Variants in PPFIA2 observed in about 807,000 individuals in gnomAD.
The protein encoded by PPFIA2 is PPFI scaffold protein A2.
PPFIA2 carries 46 observed loss-of-function variants against 175.5 expected under a neutral mutation model. That is an observed-to-expected ratio of 0.26 (90% CI 0.21 to 0.34). The LOEUF is 0.34. PPFIA2 is among the 10% of genes least tolerant of loss of function. The probability of loss-of-function intolerance (pLI) is 1.00; values close to 1 mark genes in which losing one functional copy is unlikely to be tolerated. For missense variants in PPFIA2, 1,179 were observed against 1,506.1 expected, an observed-to-expected ratio of 0.78 and a Z score of 3.60; for synonymous variants, 568 against 511.4, an observed-to-expected ratio of 1.11 and a Z score of -1.49.
At chr12:81,383,923 G>T in intron 9 of PPFIA2, 100 bp downstream of exon 9, 1 of 927,298 alleles carries the variant, frequency 1.1e-6, no homozygotes, top group Non-Finnish European at 1.6e-6. Context: ...ATGGTCTTTT[G>T]AGAAGTAAAA....
chr12:81,494,261 A>G (rs1593952125), intron 4 of PPFIA2, among the ~76,000 whole-genome samples: 2 of 151,978 alleles, frequency 1.3e-5, no homozygotes, highest in Non-Finnish European at 2.9e-5. Flanking sequence ...AAAACAAACA[A>G]CCCCATCAAA....
chr12:81,665,903 C>T (rs1482782296), intron 4 of PPFIA2, among the ~76,000 whole-genome samples: 2 of 151,998 alleles, frequency 1.3e-5, no homozygotes, highest in East Asian at 3.9e-4. Context: ...ACAAAGAACT[C>T]AAACAAATTT....
intron 4 of PPFIA2, among the ~76,000 whole-genome samples, chr12:81,620,167 A>AC: frequency 6.6e-6 from 1 of 150,712 alleles, no homozygotes; most frequent in East Asian, 1.9e-4. Context: ...CTCAAAAAAA[A>AC]AAAAAAAAAA....
intron 4 of PPFIA2, among the ~76,000 whole-genome samples, chr12:81,467,250 C>T (rs2055837984): frequency 6.6e-6 from 1 of 152,078 alleles, no homozygotes; most frequent in South Asian, 2.1e-4. Flanking sequence ...TTCCTGTGTT[C>T]CTGCAGTAAT....
intron 4 of PPFIA2, among the ~76,000 whole-genome samples, chr12:81,571,892 T>G (rs2072614609): frequency 6.6e-6 from 1 of 152,098 alleles, no homozygotes; most frequent in Admixed American, 6.6e-5. Context: ...TCCAGTGTAT[T>G]CCATCTACTT....
chr12:81,385,872 AAGTG>A (rs1303616960), intron 8 of PPFIA2, among the ~76,000 whole-genome samples: 4 of 152,204 alleles, frequency 2.6e-5, no homozygotes, highest in African/African-American at 4.8e-5. Context: ...CAAAAATGAT[AAGTG>A]AGTGAGTGAT....
intron 4 of PPFIA2, among the ~76,000 whole-genome samples, chr12:81,569,640 T>TA (rs958235564): frequency 6.6e-6 from 1 of 152,100 alleles, no homozygotes; most frequent in Non-Finnish European, 1.5e-5. Context: ...CACCAAATAA[T>TA]AAACAAAATT....
rs764497700 is a variant in PPFIA2, at chr12:81,384,106, C to T, written c.901G>A (p.Val301Met). 1 of 1,613,328 alleles carries T rather than the reference C, an allele frequency of 6.2e-7. No individual in the cohort carries two copies. The highest frequency in any genetic ancestry group is 1.7e-4 in the Middle Eastern group (1 of 6,058). Residue 301 changes from valine (V) to methionine (M), a missense_variant, in exon 9 of 33, where the codon GTG becomes ATG. Val to Met is a conservative substitution (Grantham distance 21). This residue lies in a region of PPFIA2 where 226 missense variants were observed against 216.6 expected (regional missense o/e 1.04). Transcript: ENST00000549396. Reference sequence around the variant, plus strand: ...CTTGCTGTCTCTGCTTCCTGTTCCACCTCTCCCACTCGGGAAGAAAGGGCT... The same window carrying T: ...CTTGCTGTCTCTGCTTCCTGTTCCATCTCTCCCACTCGGGAAGAAAGGGCT... ...LAALSSRVGEVEQEAETARKD... is the reference protein window; with the variant it reads ...LAALSSRVGEMEQEAETARKD...
chr12:81,468,375 G>A (rs527795206), intron 4 of PPFIA2, among the ~76,000 whole-genome samples: 1 of 152,300 alleles, frequency 6.6e-6, no homozygotes, highest in Admixed American at 6.5e-5. Context: ...GGCCCAGTAA[G>A]CATTGTAGTT....
Position 81,303,565 on chromosome 12 carries a change from A to T in PPFIA2, c.2643-4183T>A, listed in dbSNP as rs188714145. On this transcript the variant is annotated intron_variant, in intron 22 of 32. Coordinates refer to ENST00000549396, the MANE Select transcript of PPFIA2 (RefSeq NM_003625.5). ...ACACTCTTCAATAAAGAATGCTGTTAGTATCTTCCATAGGCCTCAGGTTCT... is the reference window on the plus strand; with the variant it reads ...ACACTCTTCAATAAAGAATGCTGTTTGTATCTTCCATAGGCCTCAGGTTCT... Among the ~76,000 whole-genome samples the T allele has an allele frequency of 1.8e-3, 268 of 152,338 alleles. 1 individual carries two copies. Among genetic ancestry groups the T allele is most frequent in the African/African-American group, 6.1e-3 (255 of 41,578 alleles).
intron 3 of PPFIA2, among the ~76,000 whole-genome samples, chr12:81,740,079 A>G (rs555651568): frequency 6.6e-6 from 1 of 152,256 alleles, no homozygotes; most frequent in East Asian, 1.9e-4. Context: ...ACTTTTTGAA[A>G]AGCAAAAATG....
At chr12:81,618,828 G>A (rs1038331541) in intron 4 of PPFIA2, among the ~76,000 whole-genome samples, 1 of 149,012 alleles carries the variant, frequency 6.7e-6, no homozygotes, top group Non-Finnish European at 1.5e-5. Flanking sequence ...CACCGCGCCC[G>A]GCCCATGGCA....
chr12:81,269,004 C>G (rs2136335879), intron 28 of PPFIA2, among the ~76,000 whole-genome samples: 1 of 152,202 alleles, frequency 6.6e-6, no homozygotes, highest in Non-Finnish European at 1.5e-5. Context: ...AGTCAAATGT[C>G]AAAAATTGTT....
intron 4 of PPFIA2, among the ~76,000 whole-genome samples, chr12:81,623,585 G>T (rs10161159): frequency 1.3e-5 from 2 of 151,554 alleles, no homozygotes; most frequent in African/African-American, 2.4e-5. Context: ...GACTGTCACC[G>T]CTTCCTTTTT....
In PPFIA2 at chr12:81,396,316, C is replaced by T. The variant is rs141785283; in HGVS notation, c.762+9471G>A. On this transcript the variant is annotated intron_variant, in intron 8 of 32. Coordinates refer to ENST00000549396, the MANE Select transcript of PPFIA2 (RefSeq NM_003625.5). ...TATCTAACTGGGCTGGCAGACAATACATTACAGACATTATAAATAAGTAAA... is the reference window on the plus strand; with the variant it reads ...TATCTAACTGGGCTGGCAGACAATATATTACAGACATTATAAATAAGTAAA... Among the ~76,000 whole-genome samples, 370 of 152,110 alleles carry T rather than the reference C, an allele frequency of 2.4e-3. 1 individual carries two copies. Among genetic ancestry groups the T allele is most frequent in the Middle Eastern group, 0.01 (3 of 294 alleles).
chr12:81,490,633 G>A (rs1200552378), intron 4 of PPFIA2, among the ~76,000 whole-genome samples: 1 of 151,864 alleles, frequency 6.6e-6, no homozygotes, highest in East Asian at 1.9e-4. Context: ...GACTGCAGGA[G>A]GAAAAGCAAC....
At chr12:81,675,026 G>A (rs142605170) in intron 4 of PPFIA2, among the ~76,000 whole-genome samples, 2 of 151,888 alleles carry the variant, frequency 1.3e-5, no homozygotes, top group East Asian at 3.9e-4. Context: ...TCTACAAAAT[G>A]TTATAAAATA....
intron 3 of PPFIA2, among the ~76,000 whole-genome samples, chr12:81,732,917 T>A (rs2081110410): frequency 6.6e-6 from 1 of 151,384 alleles, no homozygotes; most frequent in African/African-American, 2.4e-5. Context: ...GACCCAAAAT[T>A]AAACACAGTC....
intron 4 of PPFIA2, among the ~76,000 whole-genome samples, chr12:81,539,098 A>T (rs569415671): frequency 1.3e-4 from 19 of 151,976 alleles, no homozygotes; most frequent in Non-Finnish European, 2.4e-4. Flanking sequence ...TCAAGATTTT[A>T]TACTAATCCA....
Sources: allele counts gnomAD v4.1 joint callset (sites outside exome capture counted in the v4.1 genomes callset), GRCh38; gene constraint gnomAD v4.1.1; regional missense constraint gnomAD v4.1.1; transcripts MANE v1.5; gene names NCBI Gene and HGNC (gene_info 2026-07-23, HGNC 2026-07-21).